ZFPM2: variants seen among roughly 807,000 people sequenced by gnomAD.
ZFPM2 encodes the protein zinc finger protein, FOG family member 2.
In ZFPM2, 20 loss-of-function variants were observed where a neutral mutation model predicts 98.6. The ratio of observed to expected loss-of-function variants is 0.20; its 90% CI spans 0.14 to 0.29. The LOEUF (loss-of-function observed/expected upper bound fraction) is 0.29. Ranked by LOEUF, ZFPM2 falls within the 10% of genes least tolerant of loss-of-function variation. ZFPM2 has a pLI of 1.00. For synonymous variants in ZFPM2, 518 were observed against 502.7 expected, an observed-to-expected ratio of 1.03 and a Z score of -0.41; for missense variants, 1,310 against 1,388.6, an observed-to-expected ratio of 0.94 and a Z score of 0.90.
chr8:105,650,152 G>C (rs1817140474), intron 5 of ZFPM2, among the ~76,000 whole-genome samples: 1 of 152,138 alleles, frequency 6.6e-6, no homozygotes, highest in South Asian at 2.1e-4. Flanking sequence ...AGATTTTCTA[G>C]TTTGTTTGCA....
At chr8:105,576,450 C>T (rs1815470500) in intron 4 of ZFPM2, among the ~76,000 whole-genome samples, 2 of 152,136 alleles carry the variant, frequency 1.3e-5, no homozygotes, top group Non-Finnish European at 1.5e-5. Context: ...GTGATGTTTG[C>T]TCCCCACTGC....
intron 3 of ZFPM2, among the ~76,000 whole-genome samples, chr8:105,464,075 T>C (rs1421275958): frequency 6.6e-6 from 1 of 152,092 alleles, no homozygotes; most frequent in Non-Finnish European, 1.5e-5. Context: ...CCTTTTCTCC[T>C]TGGGACTTGC....
At chr8:105,499,649 C>T (rs1236505336) in intron 3 of ZFPM2, among the ~76,000 whole-genome samples, 1 of 150,322 alleles carries the variant, frequency 6.7e-6, no homozygotes, top group East Asian at 2.0e-4. Context: ...CACAGATACT[C>T]TAAACAGCTT....
At chr8:105,623,113 T>G (rs1816585766) in intron 4 of ZFPM2, among the ~76,000 whole-genome samples, 1 of 152,204 alleles carries the variant, frequency 6.6e-6, no homozygotes, top group Non-Finnish European at 1.5e-5. Context: ...TAAGCTTTGT[T>G]CAGCTACTCT....
rs5893760 is a variant in ZFPM2, at chr8:105,759,580, T to TTGTGTGTG, written c.533-29114_533-29107dup. 8.0e-4 allele frequency among the ~76,000 whole-genome samples: 118 copies of TTGTGTGTG among 146,978 alleles called. 1 individual carries two copies. Among genetic ancestry groups the TTGTGTGTG allele is most frequent in the Middle Eastern group, 3.5e-3 (1 of 286 alleles). On this transcript the variant is annotated intron_variant, in intron 5 of 7. Transcript: ENST00000407775. Reference sequence around the variant, plus strand: ...TGCATGGACTGTCTCTTGATAATCCTTGTGTGTGTGTGTGTGTGTGTGTGT... The same window carrying TTGTGTGTG: ...TGCATGGACTGTCTCTTGATAATCCTTGTGTGTGTGTGTGTGTGTGTGTGTGTGTGTGT...
intron 5 of ZFPM2, among the ~76,000 whole-genome samples, chr8:105,664,703 AT>A (rs1817457858): frequency 1.3e-5 from 2 of 152,150 alleles, no homozygotes; most frequent in Non-Finnish European, 1.5e-5. Flanking sequence ...GAAAGATGGA[AT>A]TTTATTTTTG....
intron 6 of ZFPM2, 25 bp from the exon 7 acceptor site, chr8:105,798,699 G>GTC: frequency 6.3e-7 from 1 of 1,591,282 alleles, no homozygotes; most frequent in East Asian, 2.3e-5. Flanking sequence ...AGCAGCAAAT[G>GTC]TGTCTCTTGT....
At chr8:105,405,449 T>A (rs1302865071) in intron 1 of ZFPM2, among the ~76,000 whole-genome samples, 1 of 105,912 alleles carries the variant, frequency 9.4e-6, no homozygotes, top group Non-Finnish European at 1.8e-5. Flanking sequence ...CCCACAACAG[T>A]CCCTGGTGTG....
chr8:105,518,637 G>T (rs1344870026), intron 3 of ZFPM2, among the ~76,000 whole-genome samples: 1 of 152,184 alleles, frequency 6.6e-6, no homozygotes, highest in Non-Finnish European at 1.5e-5. Context: ...CCTGAAAGGA[G>T]GTGTTTTCAG....
intron 5 of ZFPM2, among the ~76,000 whole-genome samples, chr8:105,722,531 A>G (rs1482757283): frequency 6.6e-6 from 1 of 151,960 alleles, no homozygotes; most frequent in Admixed American, 6.6e-5. Context: ...TAATTGATTA[A>G]CACATATTTT....
At chr8:105,412,841 G>A (rs1383417802) in intron 1 of ZFPM2, among the ~76,000 whole-genome samples, 1 of 151,766 alleles carries the variant, frequency 6.6e-6, no homozygotes, top group Non-Finnish European at 1.5e-5. Context: ...GGAACCGAGT[G>A]AGAAGCATTT....
At position 105,579,293 on chromosome 8, in the gene ZFPM2, A is replaced by G. The variant is rs570049356; in HGVS notation, c.420+17812A>G. ...TCGTAATTTGTCATTGAGATTAAAT[A>G]TGTAAAATCAAGTTAGAAAGTAAAA... On this transcript the variant is annotated intron_variant, in intron 4 of 7. Coordinates refer to ENST00000407775, the MANE Select transcript of ZFPM2 (RefSeq NM_012082.4). 6.6e-5 allele frequency among the ~76,000 whole-genome samples: 10 copies of G among 152,348 alleles called. No individual in the cohort carries two copies. The East Asian group carries it at 1.7e-3, about 26-fold the overall frequency.
intron 1 of ZFPM2, among the ~76,000 whole-genome samples, chr8:105,331,249 A>G (rs1433718866): frequency 6.6e-6 from 1 of 151,534 alleles, no homozygotes; most frequent in Non-Finnish European, 1.5e-5. Flanking sequence ...CAAATGGAAA[A>G]AAAGAATCAG....
At chr8:105,544,667 A>G (rs115267952) in intron 3 of ZFPM2, among the ~76,000 whole-genome samples, 1 of 152,228 alleles carries the variant, frequency 6.6e-6, no homozygotes, top group East Asian at 1.9e-4. Context: ...TTGCTTCTTC[A>G]TGGACACAAG....
chr8:105,400,534 A>AT (rs1252538000), intron 1 of ZFPM2, among the ~76,000 whole-genome samples: 1 of 151,988 alleles, frequency 6.6e-6, no homozygotes, highest in Non-Finnish European at 1.5e-5. Context: ...ACTAAAATTG[A>AT]TTTTTTCTAA....
At chr8:105,770,039 T>C (rs1268805729) in intron 5 of ZFPM2, among the ~76,000 whole-genome samples, 2 of 152,076 alleles carry the variant, frequency 1.3e-5, no homozygotes, top group Non-Finnish European at 2.9e-5. Context: ...TCCTTTTTTA[T>C]TTATTTATAT....
chr8:105,690,056 C>A (rs1172402516), intron 5 of ZFPM2, among the ~76,000 whole-genome samples: 1 of 152,154 alleles, frequency 6.6e-6, no homozygotes, highest in Non-Finnish European at 1.5e-5. Context: ...ATCCTGCACA[C>A]TATAGAATAT....
At chr8:105,785,221 G>A (rs1813377421) in intron 5 of ZFPM2, 1 of 151,918 alleles carries the variant, frequency 6.6e-6, no homozygotes, top group Admixed American at 6.6e-5. Context: ...CTTCCTCCTA[G>A]ATAAATTCAC....
At position 105,793,781 on chromosome 8, in the gene ZFPM2, G is replaced by A. The variant is rs1302918956; in HGVS notation, c.739+4857G>A. 2.0e-5 allele frequency among the ~76,000 whole-genome samples: 3 copies of A among 151,020 alleles called. No individual in the cohort carries two copies. The East Asian group carries it at 5.8e-4, about 29-fold the overall frequency. ...CCCATATTTCTTGGAGGCTTTGTTT[G>A]TTTCTTTTTATTCTTTTTTCTCTAA... On this transcript the variant is annotated intron_variant, in intron 6 of 7. Coordinates refer to ENST00000407775, the MANE Select transcript of ZFPM2 (RefSeq NM_012082.4).
Sources: gnomAD v4.1 joint callset for allele counts (sites outside exome capture counted in the v4.1 genomes callset) on GRCh38, gnomAD v4.1.1 for gene constraint, MANE v1.5 for transcripts, NCBI Gene and HGNC (gene_info 2026-07-23, HGNC 2026-07-21) for gene names.